The following ASAP2 variants were observed in gnomAD, a reference collection of about 807,000 sequenced individuals.
The protein encoded by ASAP2 is arf-GAP with SH3 domain, ANK repeat and PH domain-containing protein 2.
A neutral mutation model predicts 131.4 loss-of-function variants in ASAP2; 45 were observed. The ratio of observed to expected loss-of-function variants is 0.34; its 90% confidence interval spans 0.27 to 0.44. ASAP2 has a LOEUF of 0.44. Among genes scored for constraint, ASAP2 ranks in the 20% least tolerant of loss-of-function variants. The pLI is 1.00. For synonymous variants in ASAP2, 510 were observed against 503.0 expected (o/e 1.01, Z -0.19); for missense variants, 1,011 against 1,297.0 (o/e 0.78, Z 3.39).
chr2:9,282,131 G>A (rs934685202), intron 2 of ASAP2, among the ~76,000 whole-genome samples: 25 of 152,186 alleles, frequency 1.6e-4, no homozygotes, highest in Admixed American at 1.4e-3. Flanking sequence ...GGATTTTAAC[G>A]TAGCTCCTTG....
chr2:9,346,576 A>T (rs1017898962), intron 11 of ASAP2, among the ~76,000 whole-genome samples: 28 of 152,182 alleles, frequency 1.8e-4, no homozygotes, highest in Non-Finnish European at 3.1e-4. Context: ...CACCCTTCTA[A>T]ATACCTTCCA....
chr2:9,267,429 G>C (rs540043394), intron 1 of ASAP2, among the ~76,000 whole-genome samples: 1 of 152,216 alleles, frequency 6.6e-6, no homozygotes, highest in South Asian at 2.1e-4. Flanking sequence ...ATTTGCTTAG[G>C]ATTAGGGCCT....
chr2:9,306,992 A>G (rs1243424276), intron 3 of ASAP2, among the ~76,000 whole-genome samples: 1 of 152,154 alleles, frequency 6.6e-6, no homozygotes, highest in East Asian at 1.9e-4. Flanking sequence ...GCCCCAGGCA[A>G]TAGCAGGCAG....
At chr2:9,402,364 T>C (rs1247303832) in intron 27 of ASAP2, among the ~76,000 whole-genome samples, 1 of 152,188 alleles carries the variant, frequency 6.6e-6, no homozygotes, top group African/African-American at 2.4e-5. Flanking sequence ...GCGCGGTGGC[T>C]CACGCCCATA....
chr2:9,369,529 G>T (rs943083819), intron 16 of ASAP2, among the ~76,000 whole-genome samples: 2 of 152,170 alleles, frequency 1.3e-5, no homozygotes, highest in East Asian at 3.9e-4. Flanking sequence ...GACATGGGTG[G>T]TTTACCTGTT....
intron 1 of ASAP2, among the ~76,000 whole-genome samples, chr2:9,222,588 A>G (rs955439566): frequency 2.0e-5 from 3 of 152,176 alleles, no homozygotes; most frequent in African/African-American, 7.2e-5. Context: ...CTCACCTTGT[A>G]AATTCTCTTG....
intron 18 of ASAP2, among the ~76,000 whole-genome samples, 166 bp downstream of exon 18, chr2:9,377,159 G>C (rs1299429358): frequency 6.6e-6 from 1 of 152,120 alleles, no homozygotes; most frequent in Admixed American, 6.6e-5. Context: ...GTACTCCATG[G>C]CAATCCTTTA....
chr2:9,279,593 T>C (rs1001210121), intron 2 of ASAP2, among the ~76,000 whole-genome samples: 2 of 152,138 alleles, frequency 1.3e-5, no homozygotes, highest in Admixed American at 6.5e-5. Context: ...TGGGATTTCG[T>C]CCCCTGTCAT....
intron 18 of ASAP2, among the ~76,000 whole-genome samples, chr2:9,378,427 G>A (rs986343598): frequency 1.3e-5 from 2 of 152,212 alleles, no homozygotes; most frequent in African/African-American, 4.8e-5. Context: ...GAGGAGCCTG[G>A]GGACTCTGGG....
At chr2:9,213,567 G>A (rs958597263) in intron 1 of ASAP2, among the ~76,000 whole-genome samples, 1 of 152,160 alleles carries the variant, frequency 6.6e-6, no homozygotes, top group Non-Finnish European at 1.5e-5. Flanking sequence ...TGTGGGGTGA[G>A]GGGCTATTGC....
At chr2:9,387,656 C>T (rs1675383652) in intron 21 of ASAP2, among the ~76,000 whole-genome samples, 2 of 152,260 alleles carry the variant, frequency 1.3e-5, no homozygotes, top group South Asian at 2.1e-4. Context: ...GAGATAACTT[C>T]GACTCATAAG....
intron 7 of ASAP2, among the ~76,000 whole-genome samples, chr2:9,332,252 T>G (rs965002540): frequency 1.3e-5 from 2 of 152,158 alleles, no homozygotes; most frequent in Non-Finnish European, 2.9e-5. Context: ...TCTGGGGCTA[T>G]GTAGTTAGGA....
intron 9 of ASAP2, among the ~76,000 whole-genome samples, chr2:9,340,614 A>G (rs896821524): frequency 6.6e-6 from 1 of 152,238 alleles, no homozygotes; most frequent in Non-Finnish European, 1.5e-5. Flanking sequence ...TGAATTGGAC[A>G]TCACAGCCCT....
At chr2:9,369,534 C>T (rs547210504) in intron 16 of ASAP2, among the ~76,000 whole-genome samples, 126 of 152,076 alleles carry the variant, frequency 8.3e-4, no homozygotes, top group Non-Finnish European at 1.5e-3. Context: ...GGGTGGTTTA[C>T]CTGTTTTGTT....
At chr2:9,353,413 G>A (rs1672477295) in intron 12 of ASAP2, among the ~76,000 whole-genome samples, 1 of 152,080 alleles carries the variant, frequency 6.6e-6, no homozygotes. Flanking sequence ...TAAAAATAGT[G>A]CAGTATGGTG....
intron 11 of ASAP2, among the ~76,000 whole-genome samples, chr2:9,348,984 C>T (rs1672159242): frequency 6.6e-6 from 1 of 152,178 alleles, no homozygotes; most frequent in South Asian, 2.1e-4. Flanking sequence ...GGAATCCTAG[C>T]TTCCCCGCTC....
chr2:9,244,929 A>G (rs1194855580), intron 1 of ASAP2, among the ~76,000 whole-genome samples: 1 of 152,144 alleles, frequency 6.6e-6, no homozygotes, highest in Non-Finnish European at 1.5e-5. Context: ...TGCGGAGAAT[A>G]ATTGCTTATT....
chr2:9,254,254 T>TAC (rs1186415582), intron 1 of ASAP2, among the ~76,000 whole-genome samples: 1,275 of 65,656 alleles, frequency 0.019, 139 homozygotes, highest in South Asian at 0.03. Flanking sequence ...TATATATATA[T>TAC]ACACGTGTGT....
At chr2:9,226,528 T>C (rs1329308593) in intron 1 of ASAP2, among the ~76,000 whole-genome samples, 1 of 152,200 alleles carries the variant, frequency 6.6e-6, no homozygotes, top group Non-Finnish European at 1.5e-5. Flanking sequence ...TCTGTAATTT[T>C]AAAGTCCAGC....
Sources: allele counts gnomAD v4.1 joint callset (sites outside exome capture counted in the v4.1 genomes callset), GRCh38; gene constraint gnomAD v4.1.1; transcripts MANE v1.5; gene names NCBI Gene and HGNC (gene_info 2026-07-23, HGNC 2026-07-21).